Variants in BMP7 observed in about 807,000 individuals in gnomAD.
BMP7 encodes bone morphogenetic protein 7.
In BMP7, 12 loss-of-function variants were observed where a neutral mutation model predicts 41.2. The observed-to-expected ratio is 0.29, with a 90% CI of 0.19 to 0.47. The LOEUF (loss-of-function observed/expected upper bound fraction) is 0.47. Among genes scored for constraint, BMP7 ranks in the 20% least tolerant of loss-of-function variants. The pLI, the probability that BMP7 is intolerant of heterozygous loss-of-function variation, is 0.99. For synonymous variants in BMP7, 248 were observed against 250.0 expected (o/e 0.99, Z 0.07); for missense variants, 467 against 606.0 (o/e 0.77, Z 2.41).
intron 1 of BMP7, among the ~76,000 whole-genome samples, chr20:57,246,024 C>A (rs920049502): frequency 2.0e-5 from 3 of 152,166 alleles, no homozygotes; most frequent in African/African-American, 7.2e-5. Context: ...TATTAGAAAA[C>A]AGGACAATAG....
intron 3 of BMP7, among the ~76,000 whole-genome samples, chr20:57,193,263 G>C (rs1984419540): frequency 6.6e-6 from 1 of 152,226 alleles, no homozygotes; most frequent in South Asian, 2.1e-4. Flanking sequence ...TTAGCTCAGT[G>C]GCTCCCAACT....
intron 2 of BMP7, among the ~76,000 whole-genome samples, chr20:57,220,166 C>T (rs1044482518): frequency 2.6e-5 from 4 of 152,126 alleles, no homozygotes; most frequent in African/African-American, 7.2e-5. Flanking sequence ...AACATGGCAC[C>T]GACAGAGGTT....
intron 2 of BMP7, among the ~76,000 whole-genome samples, chr20:57,221,946 C>G (rs1985199552): frequency 6.6e-6 from 1 of 152,146 alleles, no homozygotes; most frequent in Non-Finnish European, 1.5e-5. Flanking sequence ...CCAAAGGCAG[C>G]CATCCCTTCT....
intron 2 of BMP7, among the ~76,000 whole-genome samples, chr20:57,212,747 C>G (rs1162395212): frequency 2.0e-5 from 3 of 152,198 alleles, no homozygotes; most frequent in African/African-American, 4.8e-5. Context: ...AGCAGCAACC[C>G]CAGCCTGCAG....
intron 4 of BMP7, among the ~76,000 whole-genome samples, chr20:57,176,185 C>G (rs571952112): frequency 6.3e-4 from 96 of 152,284 alleles, no homozygotes; most frequent in African/African-American, 2.2e-3. Flanking sequence ...CCTCCTACTG[C>G]CCAGGAGCAA....
chr20:57,236,508 C>T (rs73170222), intron 1 of BMP7, among the ~76,000 whole-genome samples: 2 of 152,260 alleles, frequency 1.3e-5, no homozygotes, highest in Non-Finnish European at 2.9e-5. Context: ...ACGAAAAATG[C>T]ATTTATGATG....
At chr20:57,211,086 C>T (rs1199152558) in intron 2 of BMP7, among the ~76,000 whole-genome samples, 1 of 152,216 alleles carries the variant, frequency 6.6e-6, no homozygotes, top group African/African-American at 2.4e-5. Context: ...TGTGGAATCA[C>T]CCGGCTGGTG....
At chr20:57,212,451 C>T (rs1266681358) in intron 2 of BMP7, among the ~76,000 whole-genome samples, 1 of 152,182 alleles carries the variant, frequency 6.6e-6, no homozygotes, top group Non-Finnish European at 1.5e-5. Context: ...CTCTGCCACT[C>T]GCAGACCCAG....
intron 1 of BMP7, among the ~76,000 whole-genome samples, chr20:57,242,457 T>C (rs2066073439): frequency 6.6e-6 from 1 of 152,086 alleles, no homozygotes; most frequent in African/African-American, 2.4e-5. Context: ...TTTCCTCCCA[T>C]AACAAAGGAA....
intron 2 of BMP7, among the ~76,000 whole-genome samples, chr20:57,209,254 TATATATATATA>T (rs1984821511): frequency 9.9e-6 from 1 of 101,284 alleles, no homozygotes; most frequent in African/African-American, 1.2e-4. Context: ...TATTTTTATA[TATATATATATA>T]TATATATATA....
intron 1 of BMP7, among the ~76,000 whole-genome samples, chr20:57,264,548 G>T (rs555569740): frequency 6.6e-6 from 1 of 152,310 alleles, no homozygotes; most frequent in East Asian, 1.9e-4. Flanking sequence ...CCTCGCTGCA[G>T]CCCCAGGCTC....
In BMP7 at chr20:57,213,944, C is replaced by G. The variant is rs561622746; in HGVS notation, c.612-11321G>C. ...AGCGCAAAGCCAGAGACTCAAGGTTCGCAGCTGGTTGGAGCAAACCTCAAT... is the reference window on the plus strand; with the variant it reads ...AGCGCAAAGCCAGAGACTCAAGGTTGGCAGCTGGTTGGAGCAAACCTCAAT... On this transcript the variant is annotated intron_variant, in intron 2 of 6. Coordinates refer to ENST00000395863, the MANE Select transcript of BMP7 (RefSeq NM_001719.3). This position sits in a 1 kb window ranked among gnomAD's most constrained non-coding sequence, Gnocchi z 4.4. Among the ~76,000 whole-genome samples the G allele has an allele frequency of 6.6e-6, 1 of 152,182 alleles. No homozygotes were observed. The highest frequency in any genetic ancestry group is 1.5e-5 in the Non-Finnish European group (1 of 68,026).
intron 3 of BMP7, among the ~76,000 whole-genome samples, chr20:57,191,181 T>C (rs1354561552): frequency 6.6e-6 from 1 of 152,270 alleles, no homozygotes; most frequent in East Asian, 1.9e-4. Context: ...AAGAGATTAA[T>C]GAACTTAGAA....
At chr20:57,184,678 A>G (rs1368450941) in intron 3 of BMP7, among the ~76,000 whole-genome samples, 1 of 152,128 alleles carries the variant, frequency 6.6e-6, no homozygotes, top group Admixed American at 6.5e-5. Flanking sequence ...TGCTGTCGTC[A>G]GTTAAAATAA....
At chr20:57,265,593 T>C in intron 1 of BMP7, 112 bp downstream of exon 1, 1 of 1,490,224 alleles carries the variant, frequency 6.7e-7, no homozygotes. Context: ...GGCACTGCGA[T>C]TTCAGCCAGG....
rs1983886256 is a variant in BMP7, at chr20:57,174,834, G to A, written c.1035+97C>T. ...GCCACTTGATACTGGAGTCTTAACT[G>A]GCAGAGATGAGAAACAAGACTGAGC... On this transcript the variant is annotated intron_variant, in intron 5 of 6. Transcript: ENST00000395863. The surrounding 1 kb of genome is among the most constrained non-coding windows in gnomAD (Gnocchi z 4.3). 3.0e-6 allele frequency: 4 copies of A among 1,352,860 alleles called. No individual in the cohort carries two copies. The African/African-American group carries it at 4.3e-5, about 15-fold the overall frequency. 83.8% of individuals were successfully genotyped at this position (1,352,860 alleles called of 1,614,324 possible). A position where few individuals can be genotyped will look rare whatever the true frequency, so the allele number is the denominator to read the frequency against.
chr20:57,255,757 G>GCCACTACACT (rs1241172163), intron 1 of BMP7, among the ~76,000 whole-genome samples: 1 of 119,570 alleles, frequency 8.4e-6, no homozygotes, highest in Non-Finnish European at 1.6e-5. Flanking sequence ...TGGAGATCAT[G>GCCACTACACT]CCACTACACT....
intron 2 of BMP7, among the ~76,000 whole-genome samples, chr20:57,219,810 G>A (rs572597151): frequency 6.6e-6 from 1 of 152,150 alleles, no homozygotes; most frequent in African/African-American, 2.4e-5. Flanking sequence ...CCCACTGCCC[G>A]ATGCTCCTAA....
intron 2 of BMP7, among the ~76,000 whole-genome samples, chr20:57,227,814 G>GT (rs893503117): frequency 1.3e-5 from 2 of 152,160 alleles, no homozygotes; most frequent in East Asian, 1.9e-4. Flanking sequence ...TTTGGTTTGG[G>GT]TTTTTTTCTT....
Sources: allele counts gnomAD v4.1 joint callset (sites outside exome capture counted in the v4.1 genomes callset), GRCh38; gene constraint gnomAD v4.1.1; non-coding constraint Gnocchi (gnomAD v3.1); transcripts MANE v1.5; gene names NCBI Gene and HGNC (gene_info 2026-07-23, HGNC 2026-07-21).